Variants in DIP2B observed in about 807,000 individuals in gnomAD.
DIP2B encodes disco-interacting protein 2 homolog B.
Under a neutral mutation model 198.0 loss-of-function variants are expected in DIP2B, and 76 were observed. The ratio of observed to expected loss-of-function variants is 0.38; its 90% CI spans 0.32 to 0.46. DIP2B has a LOEUF of 0.46. Among genes scored for constraint, DIP2B ranks in the 20% least tolerant of loss-of-function variants. The pLI is 0.99. For missense variants in DIP2B, 1,559 were observed against 1,978.4 expected, an observed-to-expected ratio of 0.79 and a Z score of 4.02; for synonymous variants, 701 against 739.1, an observed-to-expected ratio of 0.95 and a Z score of 0.84.
At chr12:50,568,986 C>T (rs915082089) in intron 1 of DIP2B, among the ~76,000 whole-genome samples, 1 of 151,368 alleles carries the variant, frequency 6.6e-6, no homozygotes, top group Non-Finnish European at 1.5e-5. Context: ...CTTCCCTAGT[C>T]GTGCTTCCCT....
chr12:50,574,331 C>T (rs556599141), intron 1 of DIP2B, among the ~76,000 whole-genome samples: 24 of 152,172 alleles, frequency 1.6e-4, no homozygotes, highest in African/African-American at 5.8e-4. Context: ...GGCAAAAAAC[C>T]AAACTATTAG....
intron 22 of DIP2B, among the ~76,000 whole-genome samples, chr12:50,713,971 G>A (rs1393290569): frequency 6.6e-6 from 1 of 152,228 alleles, no homozygotes; most frequent in African/African-American, 2.4e-5. Context: ...ACGCAGTGGT[G>A]CATCCCTGTA....
chr12:50,631,260 C>T (rs779633141), intron 2 of DIP2B, among the ~76,000 whole-genome samples: 14 of 151,862 alleles, frequency 9.2e-5, no homozygotes, highest in Non-Finnish European at 1.6e-4. Flanking sequence ...CGGAGTCTCC[C>T]TCTGTCGCCA....
chr12:50,563,658 G>A (rs1387950832), intron 1 of DIP2B, among the ~76,000 whole-genome samples: 1 of 151,752 alleles, frequency 6.6e-6, no homozygotes, highest in East Asian at 1.9e-4. Flanking sequence ...ACCATACCTG[G>A]CTAATTTTTA....
chr12:50,719,540 G>A (rs982973113), intron 25 of DIP2B, among the ~76,000 whole-genome samples: 9 of 152,110 alleles, frequency 5.9e-5, no homozygotes, highest in Admixed American at 3.3e-4. Flanking sequence ...TGGATGGTTC[G>A]TTATAATACT....
intron 1 of DIP2B, among the ~76,000 whole-genome samples, chr12:50,606,311 A>C (rs1476612287): frequency 6.6e-6 from 1 of 151,942 alleles, no homozygotes. Flanking sequence ...TGTAGAGATG[A>C]GGTCTCACTA....
intron 34 of DIP2B, among the ~76,000 whole-genome samples, chr12:50,735,790 G>A (rs1940128911): frequency 6.6e-6 from 1 of 152,316 alleles, no homozygotes; most frequent in Non-Finnish European, 1.5e-5. Context: ...ACGTCACAAG[G>A]AGAAAGCTAG....
intron 1 of DIP2B, among the ~76,000 whole-genome samples, chr12:50,542,554 G>A (rs1025202294): frequency 1.3e-5 from 2 of 152,148 alleles, no homozygotes; most frequent in African/African-American, 2.4e-5. Context: ...GAGAGTGGGT[G>A]ACTGACTCAG....
At chr12:50,555,393 T>C (rs908787518) in intron 1 of DIP2B, among the ~76,000 whole-genome samples, 1 of 152,238 alleles carries the variant, frequency 6.6e-6, no homozygotes, top group African/African-American at 2.4e-5. Context: ...TTCAGCTTTC[T>C]TGGCTCTGCT....
intron 20 of DIP2B, among the ~76,000 whole-genome samples, chr12:50,704,925 G>T (rs1939487080): frequency 6.6e-6 from 1 of 151,698 alleles, no homozygotes; most frequent in South Asian, 2.1e-4. Context: ...TCCAGCCTGG[G>T]CAACAGAGCG....
chr12:50,714,413 CA>C lies in DIP2B; in HGVS notation c.2670del (p.Val891TrpfsTer19). On this transcript the variant is annotated frameshift_variant, in exon 23 of 38. Coordinates refer to ENST00000301180, the MANE Select transcript of DIP2B (RefSeq NM_173602.3). LOFTEE classifies it high-confidence loss of function. ...TTTCTAGGCGATCGATAGCATTCATCAAGTGGGGGTTTATTGTCTTGCTCTG... is the reference window on the plus strand; with the variant it reads ...TTTCTAGGCGATCGATAGCATTCATCAGTGGGGGTTTATTGTCTTGCTCTG... ...RVLQAIDSIH[Q>X]VGVYCLALVP... The C allele has an allele frequency of 6.2e-7, 1 of 1,614,198 alleles. No homozygotes were observed. Among genetic ancestry groups the C allele is most frequent in the Non-Finnish European group, 8.5e-7 (1 of 1,180,036 alleles).
At chr12:50,597,808 T>A (rs1164575621) in intron 1 of DIP2B, among the ~76,000 whole-genome samples, 1 of 152,236 alleles carries the variant, frequency 6.6e-6, no homozygotes, top group Non-Finnish European at 1.5e-5. Context: ...TTTCAGTCTT[T>A]GTGCACATAA....
At chr12:50,512,882 C>T (rs1464799711) in intron 1 of DIP2B, among the ~76,000 whole-genome samples, 1 of 152,190 alleles carries the variant, frequency 6.6e-6, no homozygotes, top group Non-Finnish European at 1.5e-5. Context: ...CGGCATGCAC[C>T]TGTAGTCCCA....
At chr12:50,591,960 C>T (rs773863402) in intron 1 of DIP2B, among the ~76,000 whole-genome samples, 6 of 151,566 alleles carry the variant, frequency 4.0e-5, no homozygotes, top group African/African-American at 1.2e-4. Flanking sequence ...TCACTGTAAC[C>T]TCTGCCTCCC....
chr12:50,526,074 A>C (rs1370731984), intron 1 of DIP2B, among the ~76,000 whole-genome samples: 3 of 152,176 alleles, frequency 2.0e-5, no homozygotes, highest in Non-Finnish European at 4.4e-5. Context: ...TTGAGTGCAG[A>C]GATTTTACTG....
At chr12:50,695,196 TACC>T in intron 14 of DIP2B, 68 bp from the exon 15 acceptor site, 1 of 1,256,820 alleles carries the variant, frequency 8.0e-7, no homozygotes, top group Non-Finnish European at 1.1e-6. Flanking sequence ...GCTAACAAAA[TACC>T]AGCTCAATTT....
At chr12:50,660,014 A>AT (rs1253872219) in intron 3 of DIP2B, among the ~76,000 whole-genome samples, 180 bp from the exon 4 acceptor site, 1 of 150,146 alleles carries the variant, frequency 6.7e-6, no homozygotes, top group Non-Finnish European at 1.5e-5. Flanking sequence ...GGCTTCTTTT[A>AT]TTTTTGTTTT....
At chr12:50,699,917 G>T (rs887609908) in intron 19 of DIP2B, among the ~76,000 whole-genome samples, 1 of 150,670 alleles carries the variant, frequency 6.6e-6, no homozygotes, top group Admixed American at 6.6e-5. Flanking sequence ...AAGGGTAAGA[G>T]GCCTCACAAA....
chr12:50,619,661 A>G (rs943578381), intron 1 of DIP2B, among the ~76,000 whole-genome samples: 4 of 152,178 alleles, frequency 2.6e-5, no homozygotes, highest in Admixed American at 2.0e-4. Flanking sequence ...GTAGGCTTTT[A>G]GTAATGTTTG....
Sources: allele counts gnomAD v4.1 joint callset (sites outside exome capture counted in the v4.1 genomes callset), GRCh38; gene constraint gnomAD v4.1.1; transcripts MANE v1.5; gene names NCBI Gene and HGNC (gene_info 2026-07-23, HGNC 2026-07-21).